Variants in RIMOC1 observed in about 807,000 individuals in gnomAD.
The protein encoded by RIMOC1 is RAB7A interacting MON1-CCZ1 complex subunit 1.
chr5:41,918,431 T>G, the RIMOC1 span: 1 of 985,542 alleles, frequency 1.0e-6, no homozygotes, highest in African/African-American at 1.7e-5. Context: ...TCAGCCCCTT[T>G]CAGGCTTTCT....
chr5:41,917,335 C>G, the RIMOC1 span: 1 of 1,542,134 alleles, frequency 6.5e-7, no homozygotes, highest in Non-Finnish European at 8.7e-7. Context: ...AGAAAAACAA[C>G]AAAACCCATG....
the RIMOC1 span, among the ~76,000 whole-genome samples, chr5:41,906,890 A>G: frequency 6.6e-6 from 1 of 152,220 alleles, no homozygotes; most frequent in African/African-American, 2.4e-5. Context: ...ATATCAGACT[A>G]TGTTTCAGAA....
chr5:41,907,435 A>C, the RIMOC1 span, among the ~76,000 whole-genome samples: 1 of 152,130 alleles, frequency 6.6e-6, no homozygotes, highest in Admixed American at 6.5e-5. Context: ...TTTTGAGTGC[A>C]TTATCATAAA....
chr5:41,913,849 A>G, the RIMOC1 span, among the ~76,000 whole-genome samples: 11,856 of 152,178 alleles, frequency 0.078, 645 homozygotes, highest in African/African-American at 0.15. Flanking sequence ...AAGCTCCCTC[A>G]GTGGGCATGA....
At chr5:41,913,984 C>T in the RIMOC1 span, among the ~76,000 whole-genome samples, 1,774 of 152,192 alleles carry the variant, frequency 0.012, 36 homozygotes, top group African/African-American at 0.041. Context: ...TCTATTTATA[C>T]ACATGGACTG....
At chr5:41,917,140 G>A in the RIMOC1 span, 1,832 of 1,613,742 alleles carry the variant, frequency 1.1e-3, 18 homozygotes, top group African/African-American at 0.02. Context: ...TGTCTGGAGC[G>A]GGCTGCACTA....
the RIMOC1 span, chr5:41,918,535 G>A: frequency 1.0e-6 from 1 of 985,384 alleles, no homozygotes; most frequent in Non-Finnish European, 1.2e-6. Flanking sequence ...CCTTTGGCAA[G>A]CCCTCAACCT....
the RIMOC1 span, chr5:41,920,250 T>G: frequency 6.6e-6 from 1 of 152,168 alleles, no homozygotes; most frequent in Non-Finnish European, 1.5e-5. Context: ...CCCCACACAG[T>G]TGGAGAATAA....
chr5:41,912,692 A>G, the RIMOC1 span, among the ~76,000 whole-genome samples: 3 of 152,214 alleles, frequency 2.0e-5, no homozygotes, highest in African/African-American at 7.2e-5. Context: ...CACTATCACG[A>G]GAACAGAATG....
the RIMOC1 span, among the ~76,000 whole-genome samples, chr5:41,913,747 T>G: frequency 6.6e-6 from 1 of 152,146 alleles, no homozygotes; most frequent in African/African-American, 2.4e-5. Context: ...AGAAAAAAAA[T>G]AGTGATTTAA....
the RIMOC1 span, chr5:41,919,613 A>G: frequency 6.6e-6 from 1 of 152,146 alleles, no homozygotes; most frequent in Non-Finnish European, 1.5e-5. Flanking sequence ...CATCCTGATC[A>G]ATTGCAAGTA....
chr5:41,916,263 G>GGTGACTTGCATAAATT, the RIMOC1 span: 6 of 340,198 alleles, frequency 1.8e-5, no homozygotes, highest in African/African-American at 1.3e-4. Context: ...CTTGCCCAAA[G>GGTGACTTGCATAAATT]ACACAAAGCC....
chr5:41,918,432 C>G, the RIMOC1 span: 2 of 985,652 alleles, frequency 2.0e-6, no homozygotes, highest in Non-Finnish European at 2.4e-6. Context: ...CAGCCCCTTT[C>G]AGGCTTTCTT....
the RIMOC1 span, among the ~76,000 whole-genome samples, chr5:41,913,925 A>G: frequency 6.6e-6 from 1 of 152,234 alleles, no homozygotes; most frequent in Non-Finnish European, 1.5e-5. Context: ...TAGTTATTTC[A>G]GATAACTAGG....
At chr5:41,921,462 G>C in the RIMOC1 span, 1 of 149,824 alleles carries the variant, frequency 6.7e-6, no homozygotes, top group Non-Finnish European at 1.5e-5. Context: ...TTAACAATGA[G>C]ATGATACCAT....
chr5:41,921,129 T>C, the RIMOC1 span: 51 of 152,746 alleles, frequency 3.3e-4, no homozygotes, highest in African/African-American at 1.2e-3. Context: ...CTTTCTTCTT[T>C]TGCATATAGT....
the RIMOC1 span, chr5:41,919,899 A>T: frequency 6.6e-6 from 1 of 152,160 alleles, no homozygotes; most frequent in African/African-American, 2.4e-5. Flanking sequence ...TCCATATTTT[A>T]AAAATTTACC....
At chr5:41,917,535 C>T in the RIMOC1 span, 1 of 1,185,406 alleles carries the variant, frequency 8.4e-7, no homozygotes, top group Non-Finnish European at 1.0e-6. Flanking sequence ...CCTTAAAATA[C>T]AGATGTTATG....
the RIMOC1 span, chr5:41,911,359 CAT>C: frequency 2.4e-6 from 1 of 423,156 alleles, no homozygotes; most frequent in Non-Finnish European, 4.0e-6. Context: ...AATCAGATAA[CAT>C]GTGAAAGCAC....
Sources: allele counts gnomAD v4.1 joint callset (sites outside exome capture counted in the v4.1 genomes callset), GRCh38; gene constraint gnomAD v4.1.1; transcripts MANE v1.5; gene names NCBI Gene and HGNC (gene_info 2026-07-23, HGNC 2026-07-21).